Variants in SCGB1C1 observed in about 807,000 individuals in gnomAD.
SCGB1C1 encodes the protein secretoglobin family 1C member 1.
SCGB1C1 carries 2 observed loss-of-function variants against 8.9 expected under a neutral mutation model. That is an observed-to-expected ratio of 0.23 (90% CI 0.09 to 0.71). The LOEUF (loss-of-function observed/expected upper bound fraction) is 0.71, where lower values mean the gene tolerates loss of function less well. SCGB1C1 is among the 30% of genes least tolerant of loss of function. The pLI, the probability that SCGB1C1 is intolerant of heterozygous loss-of-function variation, is 0.78. For missense variants in SCGB1C1, 25 were observed against 112.7 expected (o/e 0.22, Z 3.52); for synonymous variants, 6 against 45.8 (o/e 0.13, Z 3.51).
At chr11:190,862 C>A (rs1854791259), upstream of SCGB1C1, among the ~76,000 whole-genome samples, 1 of 150,468 alleles carries the variant, frequency 6.6e-6, no homozygotes, top group Admixed American at 6.6e-5. Flanking sequence ...TAAGAATGTC[C>A]CCTTTGGCCT....
intron 2 of SCGB1C1, among the ~76,000 whole-genome samples, 176 bp downstream of exon 2, chr11:194,087 G>A (rs1282300295): frequency 1.5e-5 from 2 of 133,368 alleles, no homozygotes; most frequent in Non-Finnish European, 3.2e-5. Flanking sequence ...GCAGCCCCCA[G>A]ACTCCATAGA....
upstream of SCGB1C1, among the ~76,000 whole-genome samples, chr11:188,530 T>C (rs1178270123): frequency 1.3e-5 from 2 of 152,412 alleles, no homozygotes; most frequent in East Asian, 3.9e-4. Context: ...AGTCAAATAA[T>C]TGCATCAAAC....
upstream of SCGB1C1, among the ~76,000 whole-genome samples, chr11:192,357 G>C (rs1158294372): frequency 2.0e-5 from 3 of 151,782 alleles, no homozygotes; most frequent in Non-Finnish European, 4.4e-5. Flanking sequence ...TCAACCTGGG[G>C]GGTTGAACCC....
At chr11:189,822 C>G (rs1182382049), upstream of SCGB1C1, among the ~76,000 whole-genome samples, 1 of 150,700 alleles carries the variant, frequency 6.6e-6, no homozygotes, top group Non-Finnish European at 1.5e-5. Context: ...GCCAGCGCCC[C>G]CTGCTGGCGC....
At chr11:189,752 C>G (rs1854753677), upstream of SCGB1C1, among the ~76,000 whole-genome samples, 1 of 152,190 alleles carries the variant, frequency 6.6e-6, no homozygotes. Flanking sequence ...GCGGTGCTGT[C>G]CCAGTGCGCC....
chr11:194,274 G>A, intron 2 of SCGB1C1, 144 bp from the exon 3 acceptor site: 2 of 608,532 alleles, frequency 3.3e-6, no homozygotes, highest in Non-Finnish European at 5.9e-6. Flanking sequence ...CATCACATGT[G>A]CACACACACC....
At chr11:189,327 C>T (rs1854730287), upstream of SCGB1C1, among the ~76,000 whole-genome samples, 1 of 152,178 alleles carries the variant, frequency 6.6e-6, no homozygotes, top group Non-Finnish European at 1.5e-5. Flanking sequence ...GCAAGCTCTA[C>T]CCTGGCCACC....
At chr11:191,827 CTAACCCTAACCCT>C (rs1854813427), upstream of SCGB1C1, among the ~76,000 whole-genome samples, 1 of 103,412 alleles carries the variant, frequency 9.7e-6, no homozygotes, top group African/African-American at 3.8e-5. Flanking sequence ...CCCCTAACCC[CTAACCCTAACCCT>C]AACCCTAACC....
chr11:191,848 A>G (rs1590062506), upstream of SCGB1C1, among the ~76,000 whole-genome samples: 1 of 27,216 alleles, frequency 3.7e-5, no homozygotes, highest in Non-Finnish European at 1.0e-4. Context: ...CCTAACCCTA[A>G]CCCTAACCCC....
upstream of SCGB1C1, among the ~76,000 whole-genome samples, chr11:192,390 C>A (rs1241490405): frequency 6.6e-6 from 1 of 152,132 alleles, no homozygotes; most frequent in Non-Finnish European, 1.5e-5. Context: ...CCCAAGCCCT[C>A]CTTGCTATCC....
chr11:189,444 C>A (rs1245465485), upstream of SCGB1C1, among the ~76,000 whole-genome samples: 2 of 121,104 alleles, frequency 1.7e-5, no homozygotes, highest in East Asian at 4.2e-4. Context: ...CCGGCGCAGG[C>A]GCACAGAGGC....
upstream of SCGB1C1, among the ~76,000 whole-genome samples, chr11:191,830 A>ACCCTAACCCTAACCCCAACCCCTAAC (rs1854813558): frequency 8.2e-6 from 1 of 121,730 alleles, no homozygotes; most frequent in African/African-American, 3.5e-5. Flanking sequence ...CTAACCCCTA[A>ACCCTAACCCTAACCCCAACCCCTAAC]CCCTAACCCT....
chr11:191,695 A>G (rs1169202564), upstream of SCGB1C1, among the ~76,000 whole-genome samples: 1 of 152,252 alleles, frequency 6.6e-6, no homozygotes, highest in Non-Finnish European at 1.5e-5. Context: ...ATCTGTTAGA[A>G]TTGCTAAACT....
At chr11:189,497 G>A (rs1178562036), upstream of SCGB1C1, among the ~76,000 whole-genome samples, 9 of 146,850 alleles carry the variant, frequency 6.1e-5, no homozygotes, top group East Asian at 1.6e-3. Context: ...TCCCCTGGGG[G>A]GCGGGGGGAG....
upstream of SCGB1C1, among the ~76,000 whole-genome samples, chr11:189,106 TATTA>T (rs1234714417): frequency 1.5e-5 from 2 of 133,228 alleles, no homozygotes; most frequent in South Asian, 2.9e-4. Flanking sequence ...TCCTCTGCCC[TATTA>T]TTTATGTAAA....
Position 193,818 on chromosome 11 carries a change from T to G in SCGB1C1, c.162T>G (p.Asn54Lys), listed in dbSNP as rs750003454. The G allele has an allele frequency of 6.3e-7, 1 of 1,596,276 alleles. No homozygotes were observed. The highest frequency in any genetic ancestry group is 8.6e-7 in the Non-Finnish European group (1 of 1,167,846). The change falls in exon 2 of 3, where the codon AAT becomes AAG. Residue 54 changes from asparagine to lysine, a missense_variant. Asn to Lys is a moderately conservative substitution (Grantham distance 94). Coordinates refer to ENST00000342878, the MANE Select transcript of SCGB1C1 (RefSeq NM_145651.3). ...ELYEGTLGKY[N>K]VNEDAKAAMT... is the part of the protein sequence containing the mutation. ...ATGAGGGGACCTTGGGCAAGTACAA[T>G]GTCAACGAAGATGCCAAGGCAGCAA...
rs755097047 is a variant in SCGB1C1, at chr11:193,815, CA to C, written c.161del (p.Asn54MetfsTer10). The C allele has an allele frequency of 1.3e-6, 2 of 1,598,970 alleles. No homozygotes were observed. Among genetic ancestry groups the C allele is most frequent in the Admixed American group, 3.4e-5 (2 of 59,218 alleles). ...TCTATGAGGGGACCTTGGGCAAGTACAATGTCAACGAAGATGCCAAGGCAGC... is the reference window on the plus strand; with the variant it reads ...TCTATGAGGGGACCTTGGGCAAGTACATGTCAACGAAGATGCCAAGGCAGC... ...ELYEGTLGKY[N>X]VNEDAKAAMT... is the part of the protein sequence containing the mutation. On this transcript the variant is annotated frameshift_variant, in exon 2 of 3. Transcript: ENST00000342878. LOFTEE classifies it high-confidence loss of function.
upstream of SCGB1C1, among the ~76,000 whole-genome samples, chr11:192,123 TCA>T (rs1377591636): frequency 3.3e-5 from 5 of 150,796 alleles, no homozygotes; most frequent in Admixed American, 2.6e-4. Context: ...ATCTTGGTCT[TCA>T]CAGAGACCCT....
At chr11:191,694 A>C (rs1405169101), upstream of SCGB1C1, among the ~76,000 whole-genome samples, 11 of 152,234 alleles carry the variant, frequency 7.2e-5, no homozygotes, top group Non-Finnish European at 1.0e-4. Flanking sequence ...TATCTGTTAG[A>C]ATTGCTAAAC....
Sources: allele counts gnomAD v4.1 joint callset (sites outside exome capture counted in the v4.1 genomes callset), GRCh38; gene constraint gnomAD v4.1.1; transcripts MANE v1.5; gene names NCBI Gene and HGNC (gene_info 2026-07-23, HGNC 2026-07-21).